Variants in CRYBG1 observed in about 807,000 individuals in gnomAD.
CRYBG1 encodes beta/gamma crystallin domain-containing protein 1.
In CRYBG1, 139 loss-of-function variants were observed where a neutral mutation model predicts 189.2. The observed-to-expected ratio is 0.73, with a 90% CI of 0.64 to 0.85. The LOEUF (loss-of-function observed/expected upper bound fraction) is 0.85. Among genes scored for constraint, CRYBG1 ranks in the 40% least tolerant of loss-of-function variants. The pLI, the probability that CRYBG1 is intolerant of heterozygous loss-of-function variation, is 0.00. For missense variants in CRYBG1, 2,611 were observed against 2,675.8 expected (o/e 0.98, Z 0.53); for synonymous variants, 1,023 against 1,017.1 (o/e 1.01, Z -0.11).
intron 3 of CRYBG1, among the ~76,000 whole-genome samples, chr6:106,517,463 T>TAC (rs1172780662): frequency 2.8e-5 from 3 of 105,412 alleles, no homozygotes; most frequent in Admixed American, 9.2e-5. Flanking sequence ...CATATATATA[T>TAC]ACACACACAC....
At chr6:106,487,536 T>C (rs58529765) in intron 2 of CRYBG1, among the ~76,000 whole-genome samples, 1,662 of 152,328 alleles carry the variant, frequency 0.011, 26 homozygotes, top group African/African-American at 0.037. Flanking sequence ...AGTCTGTTGT[T>C]GAAGCTCTCA....
At chr6:106,377,638 TA>T (rs1770196980) in intron 1 of CRYBG1, among the ~76,000 whole-genome samples, 5 of 144,360 alleles carry the variant, frequency 3.5e-5, no homozygotes, top group African/African-American at 1.3e-4. Flanking sequence ...TATATATATA[TA>T]TATATATATT....
chr6:106,525,822 A>C (rs1773727352), intron 6 of CRYBG1, among the ~76,000 whole-genome samples: 1 of 119,976 alleles, frequency 8.3e-6, no homozygotes, highest in Non-Finnish European at 2.0e-5. Flanking sequence ...AGAAACAATA[A>C]GGAAAAAAAA....
At chr6:106,542,067 C>T (rs1445506848) in intron 10 of CRYBG1, among the ~76,000 whole-genome samples, 2 of 151,832 alleles carry the variant, frequency 1.3e-5, no homozygotes, top group African/African-American at 4.8e-5. Context: ...TTTAACACTA[C>T]TTTAGAATCC....
At chr6:106,496,576 T>C (rs1772856195) in intron 2 of CRYBG1, among the ~76,000 whole-genome samples, 1 of 152,180 alleles carries the variant, frequency 6.6e-6, no homozygotes, top group African/African-American at 2.4e-5. Flanking sequence ...ATTTTAAGTT[T>C]AATTGAAATT....
intron 1 of CRYBG1, among the ~76,000 whole-genome samples, chr6:106,408,122 G>T (rs1456460004): frequency 6.6e-6 from 1 of 152,068 alleles, no homozygotes; most frequent in Non-Finnish European, 1.5e-5. Flanking sequence ...TAGATAGACT[G>T]CTAGCCAGAC....
At chr6:106,517,511 C>T (rs1321341948) in intron 3 of CRYBG1, among the ~76,000 whole-genome samples, 1 of 149,330 alleles carries the variant, frequency 6.7e-6, no homozygotes, top group Admixed American at 6.7e-5. Flanking sequence ...TATATATATA[C>T]ACACACACAT....
intron 2 of CRYBG1, among the ~76,000 whole-genome samples, chr6:106,495,586 G>C (rs78555358): frequency 1.3e-4 from 20 of 149,780 alleles, no homozygotes; most frequent in African/African-American, 4.9e-4. Flanking sequence ...ATAGTGGGGG[G>C]GCTGAGTACC....
At position 106,543,878 on chromosome 6, in the gene CRYBG1, C is replaced by T. The variant is rs112756884; in HGVS notation, c.5039+281C>T. ...ACCAGCCTGACCAACATGGGGAAAC[C>T]CCATGTCTACTAAAAAATACAAAAT... On this transcript the variant is annotated intron_variant, in intron 11 of 21. Coordinates refer to ENST00000633556, the MANE Select transcript of CRYBG1 (RefSeq NM_001371242.2). 6.4e-3 allele frequency among the ~76,000 whole-genome samples: 968 copies of T among 152,242 alleles called. 9 individuals are homozygous for T. The highest frequency in any genetic ancestry group is 0.022 in the African/African-American group (910 of 41,546).
chr6:106,517,311 CACACACATATATATAT>C (rs1169478424), intron 3 of CRYBG1, among the ~76,000 whole-genome samples: 1 of 130,448 alleles, frequency 7.7e-6, no homozygotes, highest in African/African-American at 3.4e-5. Context: ...TATACACACA[CACACACATATATATAT>C]ACACATATAT....
intron 6 of CRYBG1, 135 bp from the exon 7 acceptor site, chr6:106,527,170 G>A: frequency 6.3e-6 from 4 of 630,496 alleles, no homozygotes; most frequent in Non-Finnish European, 1.0e-5. Flanking sequence ...GAGAGTTTAA[G>A]CTATTTTAAT....
chr6:106,446,695 T>C (rs1771670209), intron 1 of CRYBG1, among the ~76,000 whole-genome samples: 1 of 152,202 alleles, frequency 6.6e-6, no homozygotes, highest in South Asian at 2.1e-4. Flanking sequence ...CAGGGCCACT[T>C]TCAAGGGCTT....
At chr6:106,446,235 T>C (rs1288226129) in intron 1 of CRYBG1, among the ~76,000 whole-genome samples, 1 of 152,214 alleles carries the variant, frequency 6.6e-6, no homozygotes, top group Non-Finnish European at 1.5e-5. Context: ...AGAAACACCA[T>C]GCACACTATT....
At chr6:106,539,582 G>T in intron 9 of CRYBG1, 53 bp downstream of exon 9, 3 of 1,565,894 alleles carry the variant, frequency 1.9e-6, no homozygotes, top group East Asian at 2.3e-5. Context: ...GCTTGACGTG[G>T]TAATTCACAG....
intron 3 of CRYBG1, among the ~76,000 whole-genome samples, chr6:106,517,487 CACACACACACATATATATATAT>C (rs1308167370): frequency 1.3e-3 from 182 of 140,538 alleles, no homozygotes; most frequent in African/African-American, 4.5e-3. Flanking sequence ...TATATATACA[CACACACACACATATATATATAT>C]ACACACACAC....
chr6:106,552,126 CTT>C, intron 14 of CRYBG1, 56 bp from the exon 15 acceptor site: 1 of 1,505,510 alleles, frequency 6.6e-7, no homozygotes, highest in East Asian at 2.3e-5. Flanking sequence ...AAGAAAAAAA[CTT>C]TTTCAATGTG....
rs894785850 is a variant in CRYBG1, at chr6:106,520,467, C to T, written c.3259C>T (p.Leu1087Phe). The T allele has an allele frequency of 1.2e-6, 2 of 1,614,170 alleles. No homozygotes were observed. Among genetic ancestry groups the T allele is most frequent in the Non-Finnish European group, 1.7e-6 (2 of 1,180,034 alleles). ...VTNGQDSPAS[L>F]LNISAGSDDS... ...AAATGGCCAGGATAGCCCTGCCAGC[C>T]TTTTGAACATTTCTGCTGGTAGTGA... Residue 1087 changes from leucine to phenylalanine, a missense_variant, in exon 4 of 22, where the codon CTT (leucine) becomes TTT (phenylalanine). Physicochemically the swap from Leu to Phe is conservative, Grantham distance 22 (BLOSUM62 0). Transcript: ENST00000633556.
intron 2 of CRYBG1, among the ~76,000 whole-genome samples, chr6:106,495,583 G>C (rs1772828937): frequency 6.6e-6 from 1 of 150,608 alleles, no homozygotes; most frequent in Admixed American, 6.6e-5. Context: ...AATATAGTGG[G>C]GGGGCTGAGT....
chr6:106,369,952 T>C (rs2114297832), intron 1 of CRYBG1, among the ~76,000 whole-genome samples: 1 of 152,320 alleles, frequency 6.6e-6, no homozygotes, highest in East Asian at 1.9e-4. Context: ...TGAGTCCTTG[T>C]GGTTAATCAC....
Sources: allele counts gnomAD v4.1 joint callset (sites outside exome capture counted in the v4.1 genomes callset), GRCh38; gene constraint gnomAD v4.1.1; transcripts MANE v1.5; gene names NCBI Gene and HGNC (gene_info 2026-07-23, HGNC 2026-07-21).